Variants in EIF4G3 observed in about 807,000 individuals in gnomAD.
The protein encoded by EIF4G3 is eIF-4-gamma 3.
EIF4G3 carries 34 observed loss-of-function variants against 186.4 expected under a neutral mutation model. The observed-to-expected ratio is 0.18, with a 90% CI of 0.14 to 0.24. EIF4G3 has a LOEUF of 0.24. Among genes scored for constraint, EIF4G3 ranks in the 10% least tolerant of loss-of-function variants. The pLI is 1.00. For missense variants in EIF4G3, 1,536 were observed against 1,948.5 expected (o/e 0.79, Z 3.99); for synonymous variants, 673 against 679.5 (o/e 0.99, Z 0.15).
chr1:20,988,647 A>C (rs2080155801), intron 7 of EIF4G3, among the ~76,000 whole-genome samples: 1 of 152,052 alleles, frequency 6.6e-6, no homozygotes, highest in Admixed American at 6.5e-5. Context: ...TCCTTTCAAA[A>C]TATTACTGCT....
At chr1:21,028,322 A>G (rs1043390827) in intron 4 of EIF4G3, among the ~76,000 whole-genome samples, 23 of 152,068 alleles carry the variant, frequency 1.5e-4, no homozygotes, top group South Asian at 6.2e-4. Context: ...TTAAATTGGG[A>G]AAAAAAAGAG....
At chr1:20,849,298 T>C (rs2072452883) in intron 29 of EIF4G3, 117 bp downstream of exon 29, 2 of 503,136 alleles carry the variant, frequency 4.0e-6, no homozygotes, top group Non-Finnish European at 7.0e-6. Flanking sequence ...GTAGGACTTG[T>C]ATTACTCAAC....
chr1:20,893,055 A>T, intron 18 of EIF4G3: 1 of 248,182 alleles, frequency 4.0e-6, no homozygotes, highest in African/African-American at 2.3e-5. Context: ...CTAGGACTAT[A>T]AGCATGCGCC....
chr1:20,964,638 T>C (rs1356014892), intron 12 of EIF4G3, among the ~76,000 whole-genome samples: 1 of 152,198 alleles, frequency 6.6e-6, no homozygotes, highest in African/African-American at 2.4e-5. Context: ...TTTAATATAA[T>C]TGCTCCCTCG....
chr1:20,834,948 A>G (rs1197630894), intron 30 of EIF4G3, among the ~76,000 whole-genome samples: 4 of 152,236 alleles, frequency 2.6e-5, no homozygotes, highest in Non-Finnish European at 5.9e-5. Context: ...CAAATAAAAC[A>G]TTCTCCCCAA....
At chr1:20,912,133 C>A (rs1201378183) in intron 14 of EIF4G3, among the ~76,000 whole-genome samples, 1 of 151,950 alleles carries the variant, frequency 6.6e-6, no homozygotes, top group Non-Finnish European at 1.5e-5. Context: ...AAAAATTAGC[C>A]AGGTATAGTG....
chr1:21,073,650 G>A, intron 3 of EIF4G3: 1 of 520,264 alleles, frequency 1.9e-6, no homozygotes, highest in South Asian at 1.4e-5. Context: ...AGATTTCGGT[G>A]CTTTCCCAAC....
chr1:21,144,502 C>T (rs1298963811), intron 2 of EIF4G3, among the ~76,000 whole-genome samples: 1 of 151,852 alleles, frequency 6.6e-6, no homozygotes, highest in Non-Finnish European at 1.5e-5. Flanking sequence ...AGCAATCCTT[C>T]CACCTTGGCC....
chr1:21,169,716 T>C (rs981749818), intron 2 of EIF4G3: 1 of 152,194 alleles, frequency 6.6e-6, no homozygotes, highest in African/African-American at 2.4e-5. Context: ...GTCAATGCTA[T>C]TCCATCTGAA....
intron 10 of EIF4G3, among the ~76,000 whole-genome samples, chr1:20,975,119 T>C (rs925270061): frequency 5.9e-5 from 9 of 152,132 alleles, no homozygotes; most frequent in African/African-American, 2.2e-4. Flanking sequence ...GGCATGACTA[T>C]GATTTCAGTA....
At chr1:21,072,714 T>A (rs1035926919) in intron 3 of EIF4G3, among the ~76,000 whole-genome samples, 6 of 152,180 alleles carry the variant, frequency 3.9e-5, no homozygotes, top group East Asian at 3.9e-4. Context: ...TAATATTTTT[T>A]AAAAATAAAA....
intron 10 of EIF4G3, among the ~76,000 whole-genome samples, chr1:20,975,379 CA>C (rs903583549): frequency 1.2e-4 from 16 of 136,426 alleles, no homozygotes; most frequent in African/African-American, 2.5e-4. Flanking sequence ...TTAAAAAAAA[CA>C]AAAAACAAAA....
chr1:20,971,282 C>T (rs529520961), intron 11 of EIF4G3, among the ~76,000 whole-genome samples: 7 of 152,150 alleles, frequency 4.6e-5, no homozygotes, highest in Admixed American at 6.5e-5. Flanking sequence ...TGGATCTGGA[C>T]GCTTTTAGGG....
chr1:21,002,824 A>C lies in EIF4G3; in HGVS notation c.-66-16T>G. The C allele has an allele frequency of 6.9e-7, 1 of 1,457,406 alleles. No individual in the cohort carries two copies. The highest frequency in any genetic ancestry group is 2.3e-5 in the East Asian group (1 of 43,490). The allele number at this position is 1,457,406 out of a possible 1,614,324, so 90.3% of individuals were successfully genotyped here. A position where few individuals can be genotyped will look rare whatever the true frequency, so the allele number is the denominator to read the frequency against. ...GATAAGGGGTCTGTCAAAAAATGGCAAGAACAATATAATATTTTGAAAAAA... is the reference window on the plus strand; with the variant it reads ...GATAAGGGGTCTGTCAAAAAATGGCCAGAACAATATAATATTTTGAAAAAA... On this transcript the variant is annotated splice_polypyrimidine_tract_variant and intron_variant, in intron 4 of 36. Transcript: ENST00000602326.
chr1:21,066,747 G>A (rs2095257162), intron 3 of EIF4G3, among the ~76,000 whole-genome samples: 1 of 152,138 alleles, frequency 6.6e-6, no homozygotes, highest in South Asian at 2.1e-4. Flanking sequence ...ATAAATCCAT[G>A]CCTGGAGATA....
intron 10 of EIF4G3, among the ~76,000 whole-genome samples, chr1:20,974,184 A>T (rs2076403244): frequency 6.6e-6 from 1 of 152,196 alleles, no homozygotes; most frequent in Non-Finnish European, 1.5e-5. Context: ...AAGTGACACA[A>T]ATCTGGAGTC....
chr1:20,961,353 A>G (rs2096565285), intron 12 of EIF4G3, among the ~76,000 whole-genome samples: 1 of 152,206 alleles, frequency 6.6e-6, no homozygotes, highest in African/African-American at 2.4e-5. Context: ...ACTGCACTCC[A>G]GCCTGGTGAC....
intron 3 of EIF4G3, among the ~76,000 whole-genome samples, chr1:21,074,292 T>C (rs1557832323): frequency 6.6e-6 from 1 of 152,140 alleles, no homozygotes; most frequent in Non-Finnish European, 1.5e-5. Flanking sequence ...TCACCAGCTG[T>C]GGCAGTCAAA....
At chr1:20,826,426 C>G (rs1214177304) in intron 32 of EIF4G3, among the ~76,000 whole-genome samples, 2 of 150,976 alleles carry the variant, frequency 1.3e-5, no homozygotes, top group Non-Finnish European at 2.9e-5. Context: ...CTCGGCCTCC[C>G]AAAGTGCTGG....
Sources: allele counts gnomAD v4.1 joint callset (sites outside exome capture counted in the v4.1 genomes callset), GRCh38; gene constraint gnomAD v4.1.1; transcripts MANE v1.5; gene names NCBI Gene and HGNC (gene_info 2026-07-23, HGNC 2026-07-21).